MR1: variants seen among roughly 807,000 people sequenced by gnomAD.
The protein encoded by MR1 is major histocompatibility complex class I-related protein 1.
MR1 carries 44 observed loss-of-function variants against 37.8 expected under a neutral mutation model. That is an observed-to-expected ratio of 1.16 (90% CI 0.91 to 1.50). MR1 has a LOEUF of 1.50. Among genes scored for constraint, MR1 ranks in the 40% most tolerant of loss-of-function variants. MR1 has a pLI of 0.00. For missense variants in MR1, 386 were observed against 419.1 expected (o/e 0.92, Z 0.69); for synonymous variants, 153 against 155.8 (o/e 0.98, Z 0.13).
chr1:181,049,313 G>A lies in MR1; in HGVS notation c.328+1G>A. 1.2e-6 allele frequency: 2 copies of A among 1,612,330 alleles called. No individual in the cohort carries two copies. The highest frequency in any genetic ancestry group is 1.7e-6 in the Non-Finnish European group (2 of 1,179,016). On this transcript the variant is annotated splice_donor_variant, in intron 2 of 5. Transcript: ENST00000367580. LOFTEE classifies it high-confidence loss of function. ...CTACAGAGGCACTACAATCACTCAG[G>A]TGTGCATGCGGCAGAGACAGACGCT...
At chr1:181,040,009 A>G (rs1338552225) in intron 1 of MR1, among the ~76,000 whole-genome samples, 5 of 152,174 alleles carry the variant, frequency 3.3e-5, no homozygotes, top group Non-Finnish European at 4.4e-5. Flanking sequence ...GTTAAAGGGA[A>G]CATGATTTAG....
rs1195728397 is a variant in MR1 at position 181,058,330 on chromosome 1, C to T, written c.*3065C>T. 2 of 149,852 alleles carry T rather than the reference C, an allele frequency of 1.3e-5. No individual in the cohort carries two copies. Among genetic ancestry groups the T allele is most frequent in the Non-Finnish European group, 3.0e-5 (2 of 67,706 alleles). The allele number at this position is 149,852 out of a possible 1,614,324, so 9.3% of individuals were successfully genotyped here. A position where few individuals can be genotyped will look rare whatever the true frequency, so the allele number is the denominator to read the frequency against. ...GTTCTTTTTTTTTTTTTTAACTCCA[C>T]TGTATTTATTACCTGTTTTTGTTTT... On this transcript the variant is annotated 3_prime_UTR_variant, in exon 6 of 6. Coordinates refer to ENST00000367580, the MANE Select transcript of MR1 (RefSeq NM_001385161.1).
upstream of MR1, chr1:181,033,974 T>A (rs758071771): frequency 6.3e-7 from 1 of 1,593,930 alleles, no homozygotes; most frequent in Admixed American, 1.8e-5. Context: ...GACCTGTCAG[T>A]TTTTGGTTAA....
intron 5 of MR1, among the ~76,000 whole-genome samples, chr1:181,054,571 C>T (rs1447220645): frequency 6.6e-6 from 1 of 152,018 alleles, no homozygotes; most frequent in East Asian, 1.9e-4. Flanking sequence ...AGCTCAGAGG[C>T]CGGGCGTGGT....
Position 181,059,152 on chromosome 1 carries a change from A to C in MR1, c.*3887A>C, listed in dbSNP as rs1658784234. 6.6e-6 allele frequency: 1 copy of C among 151,974 alleles called. No individual in the cohort carries two copies. The highest frequency in any genetic ancestry group is 6.5e-5 in the Admixed American group (1 of 15,274). The allele number at this position is 151,974 out of a possible 1,614,324, so 9.4% of individuals were successfully genotyped here. ...GCCCAGGTGTTTCCCACTTAACTGC[A>C]TTGCCCTTTTCATCTTTTTTTTTTC... On this transcript the variant is annotated 3_prime_UTR_variant, in exon 6 of 6. Coordinates refer to ENST00000367580, the MANE Select transcript of MR1 (RefSeq NM_001385161.1).
intron 1 of MR1, among the ~76,000 whole-genome samples, chr1:181,048,735 T>C (rs1317891837): frequency 6.6e-6 from 1 of 152,210 alleles, no homozygotes; most frequent in Non-Finnish European, 1.5e-5. Flanking sequence ...GTATCCCCAA[T>C]GAGTGGTCTT....
intron 1 of MR1, among the ~76,000 whole-genome samples, chr1:181,039,925 A>G (rs1379281411): frequency 2.6e-5 from 4 of 152,080 alleles, no homozygotes; most frequent in Non-Finnish European, 5.9e-5. Context: ...AAGTGAAAAC[A>G]CTTCATCAAT....
At chr1:181,037,736 T>C (rs1438275797) in intron 1 of MR1, among the ~76,000 whole-genome samples, 2 of 152,194 alleles carry the variant, frequency 1.3e-5, no homozygotes, top group African/African-American at 4.8e-5. Flanking sequence ...TTGTTATAAC[T>C]TCAAAGGATC....
rs61809218 is a variant in MR1, at chr1:181,046,541, G to A, written c.68-2511G>A. ...GGAGAACCTTTGTGTCTAGCTGAGG[G>A]ATGGTAAACGCACCAATCAGTGCCC... is the stretch of plus-strand genomic sequence containing the variant. On this transcript the variant is annotated intron_variant, in intron 1 of 5. Transcript: ENST00000367580. Among the ~76,000 whole-genome samples the A allele has an allele frequency of 3.7e-3, 561 of 152,240 alleles. 3 individuals are homozygous for A. The highest frequency in any genetic ancestry group is 7.0e-3 in the Admixed American group (107 of 15,290).
chr1:181,038,702 A>G (rs368275708), intron 1 of MR1, among the ~76,000 whole-genome samples: 2 of 152,226 alleles, frequency 1.3e-5, no homozygotes, highest in East Asian at 3.8e-4. Context: ...GGTAGTCTCA[A>G]GGTAGAGGGA....
rs954395869 is a variant in MR1, at chr1:181,042,124, T to A, written c.68-6928T>A. On this transcript the variant is annotated intron_variant, in intron 1 of 5. Coordinates refer to ENST00000367580, the MANE Select transcript of MR1 (RefSeq NM_001385161.1). ...AACTATTTCAAAATCAATTGCAGAA[T>A]ATATATAGTACCCTTTGCAGATCCC... Among the ~76,000 whole-genome samples the A allele has an allele frequency of 1.5e-4, 23 of 152,074 alleles. 1 individual carries two copies. The highest frequency in any genetic ancestry group is 7.4e-5 in the Non-Finnish European group (5 of 68,020).
intron 2 of MR1, chr1:181,049,636 G>A: frequency 2.0e-6 from 1 of 489,606 alleles, no homozygotes. Context: ...TCACTTCCTG[G>A]TAGTCAGGCC....
At chr1:181,054,722 G>A (rs548050934) in intron 5 of MR1, among the ~76,000 whole-genome samples, 1 of 151,778 alleles carries the variant, frequency 6.6e-6, no homozygotes, top group Admixed American at 6.6e-5. Flanking sequence ...TTAGCTGGGC[G>A]TGGTGGCACA....
At chr1:181,053,719 C>A in intron 5 of MR1, 42 bp downstream of exon 5, 1 of 1,351,718 alleles carries the variant, frequency 7.4e-7, no homozygotes, top group Non-Finnish European at 1.1e-6. Flanking sequence ...TGCAGACTCT[C>A]CTGCATCTCT....
chr1:181,051,521 G>C (rs1410794589), intron 3 of MR1, among the ~76,000 whole-genome samples: 2 of 152,100 alleles, frequency 1.3e-5, no homozygotes, highest in Non-Finnish European at 1.5e-5. Context: ...GCAGGAAGCA[G>C]TCCCCCCCAG....
Position 181,052,499 on chromosome 1 carries a change from A to G in MR1, c.869A>G (p.Gln290Arg). Reference sequence around the variant, plus strand: ...CACTGCGGTGTCCACATGGTTCTTCAGGTCCCCCAGGGTAAGGACGGGGAT... The same window carrying G: ...CACTGCGGTGTCCACATGGTTCTTCGGGTCCCCCAGGGTAAGGACGGGGAT... ...VEHCGVHMVL[Q>R]VPQESETIPL... Residue 290 changes from glutamine (Q) to arginine (R), a missense_variant, in exon 4 of 6, where the codon CAG becomes CGG. Gln to Arg is a conservative substitution (Grantham distance 43, BLOSUM62 1). Coordinates refer to ENST00000367580, the MANE Select transcript of MR1 (RefSeq NM_001385161.1). 1 of 1,610,964 alleles carries G rather than the reference A, an allele frequency of 6.2e-7. No individual in the cohort carries two copies. The highest frequency in any genetic ancestry group is 8.5e-7 in the Non-Finnish European group (1 of 1,177,334).
intron 1 of MR1, among the ~76,000 whole-genome samples, chr1:181,045,151 G>C (rs2102378398): frequency 6.6e-6 from 1 of 152,316 alleles, no homozygotes; most frequent in Non-Finnish European, 1.5e-5. Flanking sequence ...ATTTAGCCAT[G>C]AAATTTTAGG....
intron 2 of MR1, 47 bp downstream of exon 2, chr1:181,049,359 C>A: frequency 2.5e-6 from 4 of 1,573,538 alleles, no homozygotes; most frequent in East Asian, 4.6e-5. Context: ...CACCCCAACC[C>A]GCAGAGACCC....
At position 181,060,951 on chromosome 1, in the gene MR1, C is replaced by T. The variant is rs1658872587; in HGVS notation, c.*5686C>T. 1 of 152,258 alleles carries T rather than the reference C, an allele frequency of 6.6e-6. No individual in the cohort carries two copies. The highest frequency in any genetic ancestry group is 6.5e-5 in the Admixed American group (1 of 15,280). The allele number at this position is 152,258 out of a possible 1,614,324, so 9.4% of individuals were successfully genotyped here. ...TATAAGATTTCTGAAAACACTCAGA[C>T]TGTGGAGACCCCTGCTGAGGGAGAA... On this transcript the variant is annotated 3_prime_UTR_variant, in exon 6 of 6. Coordinates refer to ENST00000367580, the MANE Select transcript of MR1 (RefSeq NM_001385161.1).
Sources: allele counts gnomAD v4.1 joint callset (sites outside exome capture counted in the v4.1 genomes callset), GRCh38; gene constraint gnomAD v4.1.1; transcripts MANE v1.5; gene names NCBI Gene and HGNC (gene_info 2026-07-23, HGNC 2026-07-21).